Variants in NRG2 observed in about 807,000 individuals in gnomAD.
NRG2 encodes neuregulin 2.
A neutral mutation model predicts 73.9 loss-of-function variants in NRG2; 27 were observed. The ratio of observed to expected loss-of-function variants is 0.37; its 90% CI spans 0.27 to 0.50. The LOEUF is 0.50. Among genes scored for constraint, NRG2 ranks in the 20% least tolerant of loss-of-function variants. The pLI, the probability that NRG2 is intolerant of heterozygous loss-of-function variation, is 0.96. For missense variants in NRG2, 1,126 were observed against 1,210.1 expected (o/e 0.93, Z 1.03); for synonymous variants, 532 against 541.0 (o/e 0.98, Z 0.23).
At chr5:139,949,859 GAAGT>G (rs1754063175) in intron 1 of NRG2, among the ~76,000 whole-genome samples, 1 of 152,222 alleles carries the variant, frequency 6.6e-6, no homozygotes, top group South Asian at 2.1e-4. Context: ...TGAGAAAAGG[GAAGT>G]AATAGACACC....
In NRG2 at chr5:139,865,080, C is replaced by T. The variant is rs1762396437; in HGVS notation, c.1189+469G>A. On this transcript the variant is annotated intron_variant, in intron 5 of 9. Transcript: ENST00000361474. This position sits in a 1 kb window ranked among gnomAD's most constrained non-coding sequence, Gnocchi z 5.2. ...CTCCCCAGGGGGAGACTGTCAGTCA[C>T]CAGGGAAGAGAAGAAATAGAAGAAA... 4 of 1,581,856 alleles carry T rather than the reference C, an allele frequency of 2.5e-6. No homozygotes were observed. The highest frequency in any genetic ancestry group is 2.7e-5 in the African/African-American group (2 of 74,304).
intron 3 of NRG2, 38 bp downstream of exon 3, chr5:139,880,818 C>A: frequency 6.4e-7 from 1 of 1,561,226 alleles, no homozygotes; most frequent in Non-Finnish European, 8.8e-7. Flanking sequence ...CCCTGCCAAA[C>A]CCCTCTAGGA....
At chr5:139,956,068 A>C (rs1325279650) in intron 1 of NRG2, among the ~76,000 whole-genome samples, 1 of 152,210 alleles carries the variant, frequency 6.6e-6, no homozygotes, top group Non-Finnish European at 1.5e-5. Flanking sequence ...CCTGTGGGGC[A>C]GGCTCTGGAG....
At chr5:139,921,380 T>C (rs1458573848) in intron 1 of NRG2, among the ~76,000 whole-genome samples, 1 of 152,180 alleles carries the variant, frequency 6.6e-6, no homozygotes, top group African/African-American at 2.4e-5. Context: ...CAGTGGGGTA[T>C]TGGTGAAAGA....
intron 1 of NRG2, among the ~76,000 whole-genome samples, chr5:140,036,556 A>G (rs948186346): frequency 1.3e-5 from 2 of 152,206 alleles, no homozygotes; most frequent in African/African-American, 2.4e-5. Flanking sequence ...TCTACCGATT[A>G]ATTCATCTAC....
At position 139,915,468 on chromosome 5, in the gene NRG2, G is replaced by C. The variant is rs1349607170; in HGVS notation, c.701-27957C>G. Among the ~76,000 whole-genome samples, 2 of 152,196 alleles carry C rather than the reference G, an allele frequency of 1.3e-5. No individual in the cohort carries two copies. Among genetic ancestry groups the C allele is most frequent in the East Asian group, 3.9e-4 (2 of 5,194 alleles). ...GTTGGGTGGTGGCCAGGGTCCCCCA[G>C]GTCCTGCTTACATTCCACTGGTGCC... On this transcript the variant is annotated intron_variant, in intron 1 of 9. Coordinates refer to ENST00000361474, the MANE Select transcript of NRG2 (RefSeq NM_004883.3). This position sits in a 1 kb window ranked among gnomAD's most constrained non-coding sequence, Gnocchi z 4.0.
chr5:139,887,288 G>T lies in NRG2; in HGVS notation c.872+52C>A, dbSNP rs376915239. ...TGCCCAGTTCAGGCCACTCCTTCTC[G>T]AGAGGAGGGAGGGCAGCTGCTTGGA... On this transcript the variant is annotated intron_variant, in intron 2 of 9. Coordinates refer to ENST00000361474, the MANE Select transcript of NRG2 (RefSeq NM_004883.3). This position sits in a 1 kb window ranked among gnomAD's most constrained non-coding sequence, Gnocchi z 4.5. 16 of 1,594,784 alleles carry T rather than the reference G, an allele frequency of 1.0e-5. No individual in the cohort carries two copies. The highest frequency in any genetic ancestry group is 1.4e-5 in the Non-Finnish European group (16 of 1,166,404).
In NRG2 at chr5:140,043,272, C is replaced by T; in HGVS notation, c.-203G>A. 2 of 573,464 alleles carry T rather than the reference C, an allele frequency of 3.5e-6. No homozygotes were observed. Among genetic ancestry groups the T allele is most frequent in the Non-Finnish European group, 6.0e-6 (2 of 332,878 alleles). 35.5% of individuals were successfully genotyped at this position (573,464 alleles called of 1,614,324 possible). A position where few individuals can be genotyped will look rare whatever the true frequency, so the allele number is the denominator to read the frequency against. On this transcript the variant is annotated 5_prime_UTR_variant, in exon 1 of 10. The change creates a new upstream start codon in the 5' untranslated region. Coordinates refer to ENST00000361474, the MANE Select transcript of NRG2 (RefSeq NM_004883.3). This position sits in a 1 kb window ranked among gnomAD's most constrained non-coding sequence, Gnocchi z 6.7. ...AGCGCGGCGCAGCGCAGCGCTCCCACCCTGTGCGCCAGGACCTGGAGGAGG... is the reference window on the plus strand; with the variant it reads ...AGCGCGGCGCAGCGCAGCGCTCCCATCCTGTGCGCCAGGACCTGGAGGAGG...
In NRG2 at chr5:139,956,890, G is replaced by T. The variant is rs149582918; in HGVS notation, c.701-69379C>A. ...TCGTGGTACAGTGGGTGTGCCCAAG[G>T]ACACAAAGCTGAAAAATGGGCTACC... On this transcript the variant is annotated intron_variant, in intron 1 of 9. Transcript: ENST00000361474. Among the ~76,000 whole-genome samples the T allele has an allele frequency of 4.0e-3, 613 of 152,314 alleles. 3 individuals carry two copies. The highest frequency in any genetic ancestry group is 0.014 in the African/African-American group (602 of 41,578).
Position 140,042,584 on chromosome 5 carries a change from C to T in NRG2, c.486G>A (p.Lys162=). The change falls in exon 1 of 10, where the codon AAG becomes AAA. Residue 162 remains lysine, a synonymous_variant. Transcript: ENST00000361474. ...TCCGGAGCGGCCACTTGTCCAGCAC[C>T]TTTACCAACGCCACCCGACCCGAGG... ...PPASGRVALV[K]VLDKWPLRSG... 6.2e-7 allele frequency: 1 copy of T among 1,612,648 alleles called. No homozygotes were observed. The highest frequency in any genetic ancestry group is 8.5e-7 in the Non-Finnish European group (1 of 1,179,704).
intron 1 of NRG2, among the ~76,000 whole-genome samples, chr5:139,977,283 G>A (rs1372732468): frequency 6.6e-6 from 1 of 152,138 alleles, no homozygotes; most frequent in Non-Finnish European, 1.5e-5. Context: ...ATAAAAAGAA[G>A]TATGGTAGGT....
intron 1 of NRG2, among the ~76,000 whole-genome samples, chr5:139,900,208 A>G (rs1251375010): frequency 6.6e-6 from 1 of 152,182 alleles, no homozygotes; most frequent in African/African-American, 2.4e-5. Flanking sequence ...GATGTTGCAC[A>G]TTTATCTCTG....
At chr5:140,015,840 C>T (rs1421056224) in intron 1 of NRG2, among the ~76,000 whole-genome samples, 1 of 152,212 alleles carries the variant, frequency 6.6e-6, no homozygotes, top group African/African-American at 2.4e-5. Flanking sequence ...AGATGCAAAA[C>T]AGGCTCCCAG....
chr5:139,983,413 G>T (rs1756953882), intron 1 of NRG2, among the ~76,000 whole-genome samples: 1 of 152,188 alleles, frequency 6.6e-6, no homozygotes, highest in Non-Finnish European at 1.5e-5. Context: ...TAAAGGGAAG[G>T]CGGGCCCATC....
intron 1 of NRG2, among the ~76,000 whole-genome samples, chr5:139,900,698 C>G (rs143588677): frequency 2.6e-5 from 4 of 152,202 alleles, no homozygotes; most frequent in African/African-American, 4.8e-5. Flanking sequence ...GTGGGACTGA[C>G]CAGGTATGGG....
intron 1 of NRG2, among the ~76,000 whole-genome samples, chr5:139,895,341 G>A (rs1035892681): frequency 2.0e-5 from 3 of 152,374 alleles, no homozygotes; most frequent in Non-Finnish European, 2.9e-5. Context: ...AGGCACACGA[G>A]TAGCAGAGAT....
intron 4 of NRG2, among the ~76,000 whole-genome samples, chr5:139,866,736 C>A (rs781266926): frequency 1.3e-5 from 2 of 152,222 alleles, no homozygotes; most frequent in African/African-American, 2.4e-5. Context: ...AAGCACCCCC[C>A]ACTCAATCTC....
Position 139,992,075 on chromosome 5 carries a change from T to C in NRG2, c.700+50295A>G, listed in dbSNP as rs1270292570. On this transcript the variant is annotated intron_variant, in intron 1 of 9. Transcript: ENST00000361474. Reference sequence around the variant, plus strand: ...ACGCTGTAGGTCAAATAGGGTAGAATTGGAGAATTGTCATCTTTATGATAT... The same window carrying C: ...ACGCTGTAGGTCAAATAGGGTAGAACTGGAGAATTGTCATCTTTATGATAT... Among the ~76,000 whole-genome samples, 3 of 152,322 alleles carry C rather than the reference T, an allele frequency of 2.0e-5. No homozygotes were observed. In the East Asian group the frequency reaches 5.8e-4, roughly 29 times the overall value.
chr5:139,932,221 AGTGTGT>A (rs3056594), intron 1 of NRG2, among the ~76,000 whole-genome samples: 4,948 of 141,384 alleles, frequency 0.035, 199 homozygotes, highest in African/African-American at 0.096. Flanking sequence ...AAGAAAATGT[AGTGTGT>A]GTGTGTGTGT....
Sources: allele counts gnomAD v4.1 joint callset (sites outside exome capture counted in the v4.1 genomes callset), GRCh38; gene constraint gnomAD v4.1.1; non-coding constraint Gnocchi (gnomAD v3.1); transcripts MANE v1.5; gene names NCBI Gene and HGNC (gene_info 2026-07-23, HGNC 2026-07-21).